KDM4C: variants seen among roughly 807,000 people sequenced by gnomAD.
KDM4C encodes the protein lysine demethylase 4C, also known as lysine-specific demethylase 4C.
In KDM4C, 81 loss-of-function variants were observed where a neutral mutation model predicts 129.3. The observed-to-expected ratio is 0.63, with a 90% confidence interval of 0.52 to 0.75. The LOEUF (loss-of-function observed/expected upper bound fraction) is 0.75. Among genes scored for constraint, KDM4C ranks in the 30% least tolerant of loss-of-function variants. The pLI, the probability that KDM4C is intolerant of heterozygous loss-of-function variation, is 0.00. For missense variants in KDM4C, 1,457 were observed against 1,304.0 expected (o/e 1.12, Z -1.81); for synonymous variants, 573 against 456.1 (o/e 1.26, Z -3.26).
chr9:6,925,709 T>G (rs1822367615), intron 8 of KDM4C: 5 of 861,532 alleles, frequency 5.8e-6, no homozygotes, highest in Non-Finnish European at 5.6e-6. Flanking sequence ...TTTTCTTTCT[T>G]TTTTTCATTA....
At chr9:6,873,674 T>C (rs542974800) in intron 5 of KDM4C, among the ~76,000 whole-genome samples, 22 of 152,372 alleles carry the variant, frequency 1.4e-4, no homozygotes, top group African/African-American at 5.0e-4. Flanking sequence ...TTTGATCTTA[T>C]GTCCAGACAT....
chr9:7,119,289 T>A (rs1839249098), intron 18 of KDM4C, among the ~76,000 whole-genome samples: 1 of 152,214 alleles, frequency 6.6e-6, no homozygotes, highest in Non-Finnish European at 1.5e-5. Context: ...GCTGCGTCAT[T>A]AAATATCCCA....
intron 8 of KDM4C, among the ~76,000 whole-genome samples, chr9:6,955,364 C>G (rs1317145144): frequency 6.6e-6 from 1 of 152,166 alleles, no homozygotes; most frequent in Non-Finnish European, 1.5e-5. Context: ...AGAGACAAAG[C>G]TGTTTGCTGT....
chr9:6,918,088 C>G (rs1820660353), intron 8 of KDM4C, among the ~76,000 whole-genome samples: 1 of 152,072 alleles, frequency 6.6e-6, no homozygotes, highest in Non-Finnish European at 1.5e-5. Context: ...TTGTGTGATG[C>G]TGAGGTTTGG....
At chr9:6,740,044 C>T (rs978147983) in intron 1 of KDM4C, among the ~76,000 whole-genome samples, 3 of 151,952 alleles carry the variant, frequency 2.0e-5, no homozygotes, top group Admixed American at 2.0e-4. Context: ...CGCGCGCCAC[C>T]ACACTCAGCT....
chr9:6,913,041 A>G (rs1486239535), intron 8 of KDM4C, among the ~76,000 whole-genome samples: 1 of 152,222 alleles, frequency 6.6e-6, no homozygotes, highest in African/African-American at 2.4e-5. Context: ...TACTGGTCGT[A>G]TCAGTCCTCC....
chr9:6,740,782 G>A (rs1040864657), intron 1 of KDM4C, among the ~76,000 whole-genome samples: 2 of 150,676 alleles, frequency 1.3e-5, no homozygotes, highest in African/African-American at 4.9e-5. Flanking sequence ...GCCTCCCAAA[G>A]TGCTGGGATT....
At chr9:6,880,324 T>G (rs752285845) in intron 6 of KDM4C, among the ~76,000 whole-genome samples, 1 of 152,240 alleles carries the variant, frequency 6.6e-6, no homozygotes, top group Non-Finnish European at 1.5e-5. Flanking sequence ...TGATTGCCCT[T>G]AATCTGTTTT....
intron 19 of KDM4C, among the ~76,000 whole-genome samples, chr9:7,141,479 T>A (rs1841737419): frequency 6.6e-6 from 1 of 152,152 alleles, no homozygotes; most frequent in African/African-American, 2.4e-5. Context: ...TTGGACTAAT[T>A]TAGGATCTGA....
intron 5 of KDM4C, among the ~76,000 whole-genome samples, chr9:6,859,446 G>T (rs1405587097): frequency 1.6e-4 from 21 of 130,938 alleles, no homozygotes; most frequent in African/African-American, 6.3e-4. Context: ...CTGCACTCCA[G>T]CCTGGCGACA....
chr9:6,743,078 G>C (rs545136861), intron 1 of KDM4C, among the ~76,000 whole-genome samples: 1 of 152,226 alleles, frequency 6.6e-6, no homozygotes, highest in South Asian at 2.1e-4. Flanking sequence ...CATAAGTGTG[G>C]CTTTTAAGAG....
chr9:7,163,525 G>A (rs528302566), intron 19 of KDM4C, among the ~76,000 whole-genome samples: 3 of 152,198 alleles, frequency 2.0e-5, no homozygotes, highest in African/African-American at 7.2e-5. Context: ...GACATCTTTA[G>A]CAGCAGGAGA....
intron 17 of KDM4C, among the ~76,000 whole-genome samples, chr9:7,051,757 A>G (rs1752154412): frequency 1.3e-5 from 2 of 152,204 alleles, no homozygotes; most frequent in African/African-American, 4.8e-5. Flanking sequence ...TACAACTGGA[A>G]AATAATAAGA....
chr9:6,826,083 A>G (rs2131269541), intron 4 of KDM4C, among the ~76,000 whole-genome samples: 1 of 152,264 alleles, frequency 6.6e-6, no homozygotes, highest in East Asian at 1.9e-4. Context: ...AAGTTACGGG[A>G]TTACTGGCAT....
rs184277902 is a variant in KDM4C at position 7,143,946 on chromosome 9, T to G, written c.2781+15710T>G. Among the ~76,000 whole-genome samples, 297 of 152,326 alleles carry G rather than the reference T, an allele frequency of 1.9e-3. 4 individuals are homozygous for G. Among genetic ancestry groups the G allele is most frequent in the African/African-American group, 6.7e-3 (277 of 41,576 alleles). On this transcript the variant is annotated intron_variant, in intron 19 of 21. Transcript: ENST00000381309. ...CATTTAATCTAAAAGGAAGGACATG[T>G]TAAACTCACAGAGATAGAAGCTGTA...
At chr9:6,725,846 A>G (rs1279743610) in intron 1 of KDM4C, among the ~76,000 whole-genome samples, 1 of 149,750 alleles carries the variant, frequency 6.7e-6, no homozygotes, top group African/African-American at 2.5e-5. Flanking sequence ...AGTAGCTGGG[A>G]TTACAGGCAA....
Position 6,880,034 on chromosome 9 carries a change from G to T in KDM4C, c.652G>T (p.Gly218Ter). 1 of 1,600,010 alleles carries T rather than the reference G, an allele frequency of 6.2e-7. No individual in the cohort carries two copies. Among genetic ancestry groups the T allele is most frequent in the Non-Finnish European group, 8.5e-7 (1 of 1,171,510 alleles). The change falls in exon 6 of 22, where the codon GGA (glycine) becomes TGA (stop). Residue 218 changes from glycine (G) to a stop codon, truncating the protein, a stop_gained. Coordinates refer to ENST00000381309, the MANE Select transcript of KDM4C (RefSeq NM_015061.6). LOFTEE classifies it high-confidence loss of function. ...TAGGTATGCTATACCTCCGGAGCAT[G>T]GAAAACGACTTGAAAGACTAGCTCA... The part of the protein sequence containing the change: ...KSWYAIPPEH[G>*]KRLERLAQGF...
chr9:7,011,573 C>T, intron 12 of KDM4C, 125 bp from the exon 13 acceptor site: 2 of 807,756 alleles, frequency 2.5e-6, no homozygotes, highest in East Asian at 2.5e-5. Context: ...ATTTGAAAGA[C>T]AAAGTAGGTT....
intron 18 of KDM4C, among the ~76,000 whole-genome samples, chr9:7,107,162 C>T (rs1404194488): frequency 6.6e-5 from 10 of 152,132 alleles, no homozygotes; most frequent in East Asian, 1.9e-4. Context: ...TCATGCTGTC[C>T]GCTTCACCAC....
Sources: allele counts gnomAD v4.1 joint callset (sites outside exome capture counted in the v4.1 genomes callset), GRCh38; gene constraint gnomAD v4.1.1; transcripts MANE v1.5; gene names NCBI Gene and HGNC (gene_info 2026-07-23, HGNC 2026-07-21).